The following KCNC2 variants were observed in gnomAD, a reference collection of about 807,000 sequenced individuals.
KCNC2 encodes the protein potassium voltage-gated channel subfamily C member 2, also known as voltage-gated potassium channel KCNC2.
KCNC2 carries 21 observed loss-of-function variants against 44.5 expected under a neutral mutation model. The ratio of observed to expected loss-of-function variants is 0.47; its 90% CI spans 0.33 to 0.68. The LOEUF is 0.68. Ranked by LOEUF, KCNC2 falls within the 30% of genes least tolerant of loss-of-function variation. The probability of loss-of-function intolerance (pLI) is 0.01; values close to 1 mark genes in which losing one functional copy is unlikely to be tolerated. For synonymous variants in KCNC2, 391 were observed against 339.1 expected, an observed-to-expected ratio of 1.15 and a Z score of -1.68; for missense variants, 589 against 826.2, an observed-to-expected ratio of 0.71 and a Z score of 3.52.
intron 2 of KCNC2, among the ~76,000 whole-genome samples, chr12:75,202,214 A>G (rs2031340055): frequency 6.6e-6 from 1 of 151,868 alleles, no homozygotes; most frequent in Admixed American, 6.6e-5. Flanking sequence ...TACAGAAGAG[A>G]TCATACCTAA....
At chr12:75,070,203 T>G (rs549050182) in intron 2 of KCNC2, among the ~76,000 whole-genome samples, 61 of 152,164 alleles carry the variant, frequency 4.0e-4, no homozygotes, top group Non-Finnish European at 6.9e-4. Flanking sequence ...GATAGTCACT[T>G]TTTTGGGAAG....
chr12:75,186,095 A>AT (rs1892928432), intron 2 of KCNC2, among the ~76,000 whole-genome samples: 4 of 150,038 alleles, frequency 2.7e-5, no homozygotes, highest in Admixed American at 2.0e-4. Context: ...AAATAAATAA[A>AT]AATTTTATTG....
chr12:75,129,776 T>G (rs1207926800), intron 2 of KCNC2, among the ~76,000 whole-genome samples: 1 of 152,116 alleles, frequency 6.6e-6, no homozygotes, highest in East Asian at 1.9e-4. Flanking sequence ...AGTATACCAA[T>G]AAGACATTCA....
At chr12:75,061,368 T>A (rs1462283881) in intron 2 of KCNC2, among the ~76,000 whole-genome samples, 1 of 151,992 alleles carries the variant, frequency 6.6e-6, no homozygotes, top group East Asian at 1.9e-4. Flanking sequence ...GTGAGAGATG[T>A]AAAGGAAAGA....
intron 2 of KCNC2, among the ~76,000 whole-genome samples, chr12:75,080,562 T>C (rs766034556): frequency 6.6e-6 from 1 of 152,130 alleles, no homozygotes; most frequent in Non-Finnish European, 1.5e-5. Context: ...CAAAAAATAA[T>C]GTCTCTGTAG....
intron 2 of KCNC2, among the ~76,000 whole-genome samples, chr12:75,203,304 G>T (rs934273748): frequency 2.6e-5 from 4 of 151,650 alleles, no homozygotes; most frequent in African/African-American, 4.8e-5. Context: ...TTAAATATTT[G>T]CAAATTTGAG....
chr12:75,101,981 G>C (rs1211593710), intron 2 of KCNC2, among the ~76,000 whole-genome samples: 1 of 152,026 alleles, frequency 6.6e-6, no homozygotes, highest in East Asian at 1.9e-4. Context: ...AATAATAATA[G>C]TATGTCTCGG....
At chr12:75,201,716 C>T (rs1213755075) in intron 2 of KCNC2, among the ~76,000 whole-genome samples, 2 of 151,788 alleles carry the variant, frequency 1.3e-5, no homozygotes, top group Admixed American at 1.3e-4. Context: ...GGATTATTAC[C>T]ATCCCTCAAC....
chr12:75,195,186 T>C (rs2030654356), intron 2 of KCNC2, among the ~76,000 whole-genome samples: 1 of 152,118 alleles, frequency 6.6e-6, no homozygotes, highest in Non-Finnish European at 1.5e-5. Context: ...GTAGTAGCAA[T>C]ATAAAGCCTG....
chr12:75,183,425 T>G (rs1892732501), intron 2 of KCNC2, among the ~76,000 whole-genome samples: 1 of 152,172 alleles, frequency 6.6e-6, no homozygotes, highest in Non-Finnish European at 1.5e-5. Flanking sequence ...TGCTTTTCAA[T>G]GTACAAGCAC....
At chr12:75,048,538 A>T (rs182685876) in intron 3 of KCNC2, among the ~76,000 whole-genome samples, 6 of 152,254 alleles carry the variant, frequency 3.9e-5, no homozygotes, top group Admixed American at 2.6e-4. Flanking sequence ...GGAGATTTTA[A>T]TTCCATTTTG....
At chr12:75,206,284 C>T (rs1166939136) in intron 2 of KCNC2, among the ~76,000 whole-genome samples, 5 of 152,160 alleles carry the variant, frequency 3.3e-5, no homozygotes, top group Admixed American at 1.3e-4. Flanking sequence ...TAACTGAATA[C>T]AGTACTTTGT....
intron 2 of KCNC2, among the ~76,000 whole-genome samples, chr12:75,148,413 T>A (rs1890168115): frequency 6.6e-6 from 1 of 152,062 alleles, no homozygotes; most frequent in African/African-American, 2.4e-5. Context: ...AATCTAAGCA[T>A]CCTTAGGTCA....
At chr12:75,194,688 C>T (rs569191267) in intron 2 of KCNC2, among the ~76,000 whole-genome samples, 1 of 152,096 alleles carries the variant, frequency 6.6e-6, no homozygotes, top group Non-Finnish European at 1.5e-5. Flanking sequence ...TGTCTTATAT[C>T]CAGGAAGGGC....
chr12:75,180,448 A>C (rs1191923270), intron 2 of KCNC2, among the ~76,000 whole-genome samples: 1 of 151,852 alleles, frequency 6.6e-6, no homozygotes, highest in Non-Finnish European at 1.5e-5. Flanking sequence ...TTTATTGTGA[A>C]ACACTTTTAG....
At chr12:75,152,177 A>G (rs1467492252) in intron 2 of KCNC2, among the ~76,000 whole-genome samples, 1 of 150,778 alleles carries the variant, frequency 6.6e-6, no homozygotes, top group Non-Finnish European at 1.5e-5. Context: ...TTTCCAGGAG[A>G]AGATCTGAAT....
chr12:75,170,207 T>C (rs1422221694), intron 2 of KCNC2, among the ~76,000 whole-genome samples: 3 of 151,780 alleles, frequency 2.0e-5, no homozygotes, highest in African/African-American at 7.2e-5. Context: ...ACAAAGCTCT[T>C]CCTCGTACAT....
chr12:75,094,354 T>C (rs1885743213), intron 2 of KCNC2, among the ~76,000 whole-genome samples: 1 of 151,626 alleles, frequency 6.6e-6, no homozygotes, highest in Non-Finnish European at 1.5e-5. Context: ...GTGGAATGAG[T>C]TATTATTCTC....
intron 2 of KCNC2, chr12:75,124,961 C>G (rs1888304133): frequency 6.6e-6 from 1 of 152,196 alleles, no homozygotes; most frequent in South Asian, 2.1e-4. Context: ...AAAAAATTAG[C>G]CGGGCGTTGT....
Sources: gnomAD v4.1 joint callset for allele counts (sites outside exome capture counted in the v4.1 genomes callset) on GRCh38, gnomAD v4.1.1 for gene constraint, MANE v1.5 for transcripts, NCBI Gene and HGNC (gene_info 2026-07-23, HGNC 2026-07-21) for gene names.